EMC1: variants seen among roughly 807,000 people sequenced by gnomAD.
EMC1 encodes ER membrane protein complex subunit 1, also known as KIAA0090.
EMC1 carries 103 observed loss-of-function variants against 128.8 expected under a neutral mutation model. The ratio of observed to expected loss-of-function variants is 0.80; its 90% CI spans 0.68 to 0.94. EMC1 has a LOEUF of 0.94. EMC1 is among the 40% of genes least tolerant of loss of function. EMC1 has a pLI of 0.00. For missense variants in EMC1, 1,083 were observed against 1,250.6 expected (o/e 0.87, Z 2.02); for synonymous variants, 442 against 490.4 (o/e 0.90, Z 1.30).
At chr1:19,233,619 C>T (rs1414109498) in intron 13 of EMC1, among the ~76,000 whole-genome samples, 2 of 152,174 alleles carry the variant, frequency 1.3e-5, no homozygotes, top group Admixed American at 6.5e-5. Context: ...ACCCAACAGA[C>T]GTACTTGCAA....
intron 1 of EMC1, among the ~76,000 whole-genome samples, chr1:19,248,173 C>A (rs2093640418): frequency 6.6e-6 from 1 of 152,128 alleles, no homozygotes; most frequent in Admixed American, 6.5e-5. Context: ...TAGGCCCAGG[C>A]TAATGTGTTT....
chr1:19,235,824 T>G (rs1178115423), intron 12 of EMC1, among the ~76,000 whole-genome samples: 4 of 151,958 alleles, frequency 2.6e-5, no homozygotes, highest in Non-Finnish European at 4.4e-5. Flanking sequence ...GCCCGGGAGA[T>G]TGAGGCTGCA....
intron 15 of EMC1, 34 bp from the exon 16 acceptor site, chr1:19,231,456 A>G (rs771858478): frequency 1.9e-6 from 3 of 1,598,574 alleles, no homozygotes; most frequent in South Asian, 2.3e-5. Flanking sequence ...TCCACCAACA[A>G]GAAAAGACTG....
chr1:19,248,228 T>C (rs758390367), intron 1 of EMC1, among the ~76,000 whole-genome samples: 4 of 152,086 alleles, frequency 2.6e-5, no homozygotes, highest in Non-Finnish European at 5.9e-5. Context: ...GAGATGCTCT[T>C]ACTCTGTCAC....
intron 18 of EMC1, among the ~76,000 whole-genome samples, chr1:19,224,287 C>T (rs2093454762): frequency 6.6e-6 from 1 of 152,114 alleles, no homozygotes; most frequent in African/African-American, 2.4e-5. Flanking sequence ...TTGGCAATGC[C>T]CAATGTATAT....
intron 11 of EMC1, among the ~76,000 whole-genome samples, chr1:19,237,661 C>G (rs1340581366): frequency 6.6e-6 from 1 of 152,188 alleles, no homozygotes; most frequent in Non-Finnish European, 1.5e-5. Context: ...TGAATCTGAA[C>G]CGCAGTGACA....
Position 19,235,213 on chromosome 1 carries a change from G to A in EMC1, c.1349C>T (p.Ala450Val). 1.2e-6 allele frequency: 2 copies of A among 1,613,684 alleles called. No individual in the cohort carries two copies. Among genetic ancestry groups the A allele is most frequent in the Non-Finnish European group, 1.7e-6 (2 of 1,179,794 alleles). Residue 450 changes from alanine to valine, a missense_variant, in exon 13 of 23, where the codon GCA (alanine) becomes GTA (valine). Ala to Val is a moderately conservative substitution (Grantham distance 64). Coordinates refer to ENST00000477853, the MANE Select transcript of EMC1 (RefSeq NM_015047.3). Reference protein sequence around the residue: ...VVLWSREESLAEVVCLEMVDL... With the variant: ...VVLWSREESLVEVVCLEMVDL... ...CACCATCTCTAGGCACACCACTTCTGCCAGGGACTCCTCACGGCTCCACAG... is the reference window on the plus strand; with the variant it reads ...CACCATCTCTAGGCACACCACTTCTACCAGGGACTCCTCACGGCTCCACAG...
intron 11 of EMC1, among the ~76,000 whole-genome samples, chr1:19,237,773 G>T (rs998517566): frequency 6.6e-6 from 1 of 152,204 alleles, no homozygotes; most frequent in Non-Finnish European, 1.5e-5. Context: ...GAGAGTGTTT[G>T]GAGGGTTAAA....
At chr1:19,230,524 C>T (rs1175460601) in intron 17 of EMC1, among the ~76,000 whole-genome samples, 2 of 151,910 alleles carry the variant, frequency 1.3e-5, no homozygotes, top group East Asian at 1.9e-4. Context: ...GAGCCGAGAT[C>T]GCACCACTGC....
chr1:19,223,458 A>G lies in EMC1; in HGVS notation c.2314T>C (p.Ser772Pro). 6.2e-7 allele frequency: 1 copy of G among 1,614,150 alleles called. No individual in the cohort carries two copies. The highest frequency in any genetic ancestry group is 8.5e-7 in the Non-Finnish European group (1 of 1,180,042). ...CCTTTGGCTTTCTTCTGCACAGAGG[A>G]GTGAATGATACGCCCAGTGACGCCA... is the stretch of plus-strand genomic sequence containing the variant. The part of the protein sequence containing the change: ...IDGVTGRIIH[S>P]SVQKKAKGPV... The change falls in exon 19 of 23, where the codon TCC becomes CCC. Residue 772 changes from serine to proline, a missense_variant. By Grantham distance (74) the Ser-to-Pro change is moderately conservative. This residue lies in a region of EMC1 where 527 missense variants were observed against 644.1 expected (regional missense o/e 0.82). Transcript: ENST00000477853.
chr1:19,219,449 G>A lies in EMC1; in HGVS notation c.2836C>T (p.Arg946Ter), dbSNP rs755331088. The change falls in exon 23 of 23, where the codon CGA (arginine) becomes TGA (stop). Residue 946 changes from arginine to a stop codon, truncating the protein, a stop_gained. Transcript: ENST00000477853. LOFTEE classifies it high-confidence loss of function. Reference sequence around the variant, plus strand: ...TCAAACTGCTTGGATGGGTAGACTCGAGTTTGGTAAATGTCCAAACCATAG... The same window carrying A: ...TCAAACTGCTTGGATGGGTAGACTCAAGTTTGGTAAATGTCCAAACCATAG... The part of the protein sequence containing the change: ...VAYGLDIYQT[R>*]VYPSKQFDVL... 5 of 1,613,844 alleles carry A rather than the reference G, an allele frequency of 3.1e-6. No individual in the cohort carries two copies. Among genetic ancestry groups the A allele is most frequent in the South Asian group, 1.1e-5 (1 of 91,080 alleles).
Position 19,242,457 on chromosome 1 carries a change from G to A in EMC1, c.397C>T (p.Leu133=), listed in dbSNP as rs886228327. 1 of 1,614,104 alleles carries A rather than the reference G, an allele frequency of 6.2e-7. No homozygotes were observed. The highest frequency in any genetic ancestry group is 1.1e-5 in the South Asian group (1 of 91,080). The change falls in exon 5 of 23, where the codon CTG becomes TTG. Residue 133 remains leucine (L), a synonymous_variant. Coordinates refer to ENST00000477853, the MANE Select transcript of EMC1 (RefSeq NM_015047.3). ...CTTACAGACTCCTGCAGGCCAACCA[G>A]CCCAAGTGCCTGGAAACTGAACACA... ...LDSGSFQALG[L]VGLQESVRYI... is the part of the protein sequence containing the mutation.
Position 19,239,864 on chromosome 1 carries a change from A to C in EMC1, c.908T>G (p.Leu303Arg). 1 of 1,614,176 alleles carries C rather than the reference A, an allele frequency of 6.2e-7. No individual in the cohort carries two copies. Residue 303 changes from leucine (L) to arginine (R), a missense_variant, in exon 8 of 23, where the codon CTG becomes CGG. This residue lies in a region of EMC1 where 544 missense variants were observed against 572.4 expected (regional missense o/e 0.95). Coordinates refer to ENST00000477853, the MANE Select transcript of EMC1 (RefSeq NM_015047.3). ...ACTCAGCGTTCCATAATGGTACTGCAGCAGAGCATAGTGGCTTGGGGACAA... is the reference window on the plus strand; with the variant it reads ...ACTCAGCGTTCCATAATGGTACTGCCGCAGAGCATAGTGGCTTGGGGACAA... ...LHLSPSHYALLQYHYGTLSLL... is the reference protein window; with the variant it reads ...LHLSPSHYALRQYHYGTLSLL...
chr1:19,223,271 C>T, intron 19 of EMC1, 125 bp downstream of exon 19: 2 of 884,438 alleles, frequency 2.3e-6, no homozygotes, highest in Non-Finnish European at 3.6e-6. Context: ...AACCGGCACG[C>T]TTTGCTGCCA....
rs1448009472 is a variant in EMC1 at position 19,230,834 on chromosome 1, G to A, written c.2064+10C>T. ...TCCACAAAGGGTTGTGCCAGGACAT[G>A]CCTTCCTACCTTTCGAAGCCGATAT... On this transcript the variant is annotated intron_variant, in intron 17 of 22. Transcript: ENST00000477853. 6.2e-7 allele frequency: 1 copy of A among 1,613,360 alleles called. No individual in the cohort carries two copies.
intron 8 of EMC1, chr1:19,239,554 T>A (rs2093590931): frequency 3.4e-6 from 2 of 585,752 alleles, no homozygotes; most frequent in African/African-American, 3.7e-5. Flanking sequence ...TTACTATCTA[T>A]GGGGAAGCTC....
intron 6 of EMC1, 193 bp from the exon 7 acceptor site, chr1:19,240,639 A>G (rs1049337585): frequency 6.0e-5 from 36 of 600,484 alleles, no homozygotes; most frequent in Non-Finnish European, 7.6e-5. Context: ...TCAAAGTTGG[A>G]AAAAATATCA....
Position 19,232,731 on chromosome 1 carries a change from G to GT in EMC1, c.1674dup (p.Gln559ThrfsTer13). The GT allele has an allele frequency of 6.2e-7, 1 of 1,614,180 alleles. No individual in the cohort carries two copies. The highest frequency in any genetic ancestry group is 8.5e-7 in the Non-Finnish European group (1 of 1,180,014). ...TCTGGCTTGACATTGGGTAGATACT[G>GT]TTTCCACAGGATGGTGCCAGAGCTG... On this transcript the variant is annotated frameshift_variant, in exon 15 of 23. Coordinates refer to ENST00000477853, the MANE Select transcript of EMC1 (RefSeq NM_015047.3). LOFTEE classifies it high-confidence loss of function.
At chr1:19,242,649 T>C (rs975462590) in intron 4 of EMC1, among the ~76,000 whole-genome samples, 176 bp from the exon 5 acceptor site, 9 of 152,218 alleles carry the variant, frequency 5.9e-5, no homozygotes, top group African/African-American at 1.9e-4. Context: ...GATTCTGCAC[T>C]TGCAACCATT....
Sources: gnomAD v4.1 joint callset for allele counts (sites outside exome capture counted in the v4.1 genomes callset) on GRCh38, gnomAD v4.1.1 for gene constraint, gnomAD v4.1.1 regional missense constraint, MANE v1.5 for transcripts, NCBI Gene and HGNC (gene_info 2026-07-23, HGNC 2026-07-21) for gene names.